The following ERC2 variants were observed in gnomAD, a reference collection of about 807,000 sequenced individuals.
The protein encoded by ERC2 is ERC protein 2.
ERC2 carries 42 observed loss-of-function variants against 114.8 expected under a neutral mutation model. That is an observed-to-expected ratio of 0.37 (90% CI 0.29 to 0.47). The LOEUF (loss-of-function observed/expected upper bound fraction) is 0.47, where lower values mean the gene tolerates loss of function less well. Among genes scored for constraint, ERC2 ranks in the 20% least tolerant of loss-of-function variants. ERC2 has a pLI of 0.99. For missense variants in ERC2, 939 were observed against 1,150.7 expected (o/e 0.82, Z 2.66); for synonymous variants, 454 against 425.5 (o/e 1.07, Z -0.82).
intron 14 of ERC2, among the ~76,000 whole-genome samples, chr3:55,815,396 C>T (rs1395761625): frequency 6.6e-6 from 1 of 152,294 alleles, no homozygotes; most frequent in South Asian, 2.1e-4. Context: ...GCGGGACTAA[C>T]ATAATCATCT....
chr3:55,814,155 T>C (rs895953014), intron 14 of ERC2, among the ~76,000 whole-genome samples: 1 of 152,162 alleles, frequency 6.6e-6, no homozygotes, highest in Non-Finnish European at 1.5e-5. Context: ...GGCATTCCAA[T>C]CAAAAACTCT....
chr3:56,208,406 G>A (rs73831906), intron 3 of ERC2, among the ~76,000 whole-genome samples: 36 of 152,278 alleles, frequency 2.4e-4, no homozygotes, highest in East Asian at 9.6e-4. Context: ...TTTGTTTACA[G>A]TTAAGTTCCA....
At chr3:56,459,156 C>T (rs1018058279) in intron 1 of ERC2, among the ~76,000 whole-genome samples, 1 of 152,202 alleles carries the variant, frequency 6.6e-6, no homozygotes, top group African/African-American at 2.4e-5. Flanking sequence ...CTCCTGACCA[C>T]ACCTATCTTA....
chr3:56,386,290 T>G (rs2059931341), intron 2 of ERC2, among the ~76,000 whole-genome samples: 1 of 152,126 alleles, frequency 6.6e-6, no homozygotes, highest in Non-Finnish European at 1.5e-5. Context: ...AAAATAAATA[T>G]TAACAGTAAT....
intron 2 of ERC2, among the ~76,000 whole-genome samples, chr3:56,324,109 C>T (rs1480484162): frequency 6.6e-6 from 1 of 152,210 alleles, no homozygotes; most frequent in Non-Finnish European, 1.5e-5. Flanking sequence ...AGCACAGTTC[C>T]TATCCCTAAA....
chr3:56,459,878 T>C (rs1222649571), intron 1 of ERC2, among the ~76,000 whole-genome samples: 2 of 152,220 alleles, frequency 1.3e-5, no homozygotes, highest in African/African-American at 4.8e-5. Context: ...ATTCCTGGGC[T>C]CTGACCAAGC....
chr3:55,912,710 C>G (rs34797820), intron 13 of ERC2, among the ~76,000 whole-genome samples: 2 of 151,708 alleles, frequency 1.3e-5, no homozygotes, highest in African/African-American at 4.8e-5. Flanking sequence ...ATCATGGGCT[C>G]TTTTTTTCTA....
chr3:56,362,701 A>G (rs1411143226), intron 2 of ERC2, among the ~76,000 whole-genome samples: 2 of 152,192 alleles, frequency 1.3e-5, no homozygotes, highest in East Asian at 1.9e-4. Flanking sequence ...ATACAAGCCT[A>G]TTCAGAAGGG....
At chr3:55,546,964 G>A (rs2054799133) in intron 17 of ERC2, among the ~76,000 whole-genome samples, 1 of 152,220 alleles carries the variant, frequency 6.6e-6, no homozygotes, top group East Asian at 1.9e-4. Flanking sequence ...CACTTTCTCT[G>A]GAACAGAGTT....
chr3:55,591,424 C>T (rs569070523), intron 17 of ERC2, among the ~76,000 whole-genome samples: 2 of 152,202 alleles, frequency 1.3e-5, no homozygotes, highest in Admixed American at 6.5e-5. Flanking sequence ...AACCCCTCAA[C>T]TAGTTTAAAT....
At chr3:55,935,430 C>T (rs545434601) in intron 13 of ERC2, among the ~76,000 whole-genome samples, 13 of 152,104 alleles carry the variant, frequency 8.5e-5, no homozygotes, top group Non-Finnish European at 1.6e-4. Context: ...GCATGGAGCC[C>T]GGCACACAGC....
chr3:56,228,763 G>T (rs2050414335), intron 3 of ERC2, among the ~76,000 whole-genome samples: 1 of 152,148 alleles, frequency 6.6e-6, no homozygotes, highest in African/African-American at 2.4e-5. Context: ...TTTAAGATGT[G>T]TATACTTTAC....
intron 12 of ERC2, among the ~76,000 whole-genome samples, chr3:55,969,988 T>C (rs1031382185): frequency 6.6e-6 from 1 of 152,132 alleles, no homozygotes; most frequent in Non-Finnish European, 1.5e-5. Context: ...TAAGCAAATA[T>C]TCAAGGTAAG....
At chr3:56,225,465 T>A (rs187850759) in intron 3 of ERC2, among the ~76,000 whole-genome samples, 68 of 152,330 alleles carry the variant, frequency 4.5e-4, no homozygotes, top group Non-Finnish European at 8.2e-4. Context: ...TTCACTTGGC[T>A]AAAATAAGTG....
intron 14 of ERC2, among the ~76,000 whole-genome samples, chr3:55,739,976 G>T (rs946810990): frequency 6.6e-6 from 1 of 152,202 alleles, no homozygotes; most frequent in African/African-American, 2.4e-5. Flanking sequence ...CCTGCATGTG[G>T]CTAGCCAGGC....
intron 2 of ERC2, among the ~76,000 whole-genome samples, chr3:56,301,677 G>A (rs1279081359): frequency 6.6e-6 from 1 of 151,374 alleles, no homozygotes; most frequent in Non-Finnish European, 1.5e-5. Context: ...ACTAGCCTGG[G>A]CAACATAGGG....
At chr3:56,287,699 C>T (rs367941801) in intron 3 of ERC2, among the ~76,000 whole-genome samples, 6 of 152,292 alleles carry the variant, frequency 3.9e-5, no homozygotes, top group African/African-American at 7.2e-5. Flanking sequence ...CACTGAAATC[C>T]CTGGCAGCAT....
At chr3:55,872,571 A>T (rs1217081453) in intron 14 of ERC2, among the ~76,000 whole-genome samples, 2 of 152,168 alleles carry the variant, frequency 1.3e-5, no homozygotes, top group African/African-American at 4.8e-5. Context: ...TTGAGAGGCA[A>T]TGCCCAGACA....
intron 8 of ERC2, among the ~76,000 whole-genome samples, chr3:56,011,717 C>T (rs561597038): frequency 6.6e-6 from 1 of 152,228 alleles, no homozygotes; most frequent in South Asian, 2.1e-4. Context: ...CATATCTAAA[C>T]TTCCTCTCGG....
Sources: allele counts gnomAD v4.1 joint callset (sites outside exome capture counted in the v4.1 genomes callset), GRCh38; gene constraint gnomAD v4.1.1; transcripts MANE v1.5; gene names NCBI Gene and HGNC (gene_info 2026-07-23, HGNC 2026-07-21).